IRF2: variants seen among roughly 807,000 people sequenced by gnomAD.
IRF2 encodes interferon regulatory factor 2.
In IRF2, 15 loss-of-function variants were observed where a neutral mutation model predicts 40.6. The observed-to-expected ratio is 0.37, with a 90% CI of 0.25 to 0.57. The LOEUF (loss-of-function observed/expected upper bound fraction) is 0.57. IRF2 is among the 20% of genes least tolerant of loss of function. The probability of loss-of-function intolerance (pLI) is 0.77; values close to 1 mark genes in which losing one functional copy is unlikely to be tolerated. For missense variants in IRF2, 317 were observed against 455.7 expected (o/e 0.70, Z 2.77); for synonymous variants, 151 against 165.5 (o/e 0.91, Z 0.67).
At chr4:184,445,418 C>G (rs181370571) in intron 1 of IRF2, among the ~76,000 whole-genome samples, 2 of 152,074 alleles carry the variant, frequency 1.3e-5, no homozygotes, top group African/African-American at 2.4e-5. Flanking sequence ...CTTTGGGAGG[C>G]CAAGGCAGGC....
chr4:184,416,620 T>C, intron 5 of IRF2, among the ~76,000 whole-genome samples: 1 of 152,168 alleles, frequency 6.6e-6, no homozygotes, highest in Non-Finnish European at 1.5e-5. Flanking sequence ...GGTACAGTAA[T>C]GACATCATGG....
chr4:184,472,189 T>A (rs1739535135), intron 1 of IRF2: 1 of 152,222 alleles, frequency 6.6e-6, no homozygotes, highest in Admixed American at 6.5e-5. Flanking sequence ...TTCCCAGGAT[T>A]TTTTAGGTTT....
intron 1 of IRF2, among the ~76,000 whole-genome samples, chr4:184,432,265 A>G (rs2149905492): frequency 6.6e-6 from 1 of 152,376 alleles, no homozygotes; most frequent in South Asian, 2.1e-4. Flanking sequence ...GCTGAATTCA[A>G]GTCATCTGAT....
At chr4:184,430,317 CAG>C (rs1737828356) in intron 1 of IRF2, among the ~76,000 whole-genome samples, 1 of 132,110 alleles carries the variant, frequency 7.6e-6, no homozygotes, top group African/African-American at 2.8e-5. Context: ...ATGCCTCCTG[CAG>C]TCTGGCCCAG....
At position 184,445,471 on chromosome 4, in the gene IRF2, T is replaced by C. The variant is rs866154308; in HGVS notation, c.-6-16401A>G. Among the ~76,000 whole-genome samples, 34 of 152,134 alleles carry C rather than the reference T, an allele frequency of 2.2e-4. No homozygotes were observed. The South Asian group carries it at 3.1e-3, about 14-fold the overall frequency. ...GAGATCAACACCAGCCTGGTCAACA[T>C]GGTGAAAGCCCATCTCTACTAAAAT... On this transcript the variant is annotated intron_variant, in intron 1 of 8. Coordinates refer to ENST00000393593, the MANE Select transcript of IRF2 (RefSeq NM_002199.4).
chr4:184,429,020 C>T lies in IRF2; in HGVS notation c.45G>A (p.Gln15=), dbSNP rs1175094224. The stretch of plus-strand genomic sequence containing the variant: ...GCCCCGGGATCGTGTTGGAGTTTAT[C>T]TGCTCCTCCAGCCACGGGCGCATGC... The part of the protein sequence containing the change: ...RMRMRPWLEE[Q]INSNTIPGLK... The change falls in exon 2 of 9, where the codon CAG becomes CAA. Residue 15 remains glutamine (Q), a synonymous_variant. Coordinates refer to ENST00000393593, the MANE Select transcript of IRF2 (RefSeq NM_002199.4). 7 of 1,614,048 alleles carry T rather than the reference C, an allele frequency of 4.3e-6. No individual in the cohort carries two copies. The highest frequency in any genetic ancestry group is 5.1e-6 in the Non-Finnish European group (6 of 1,179,982).
chr4:184,464,522 T>C (rs1176063733), intron 1 of IRF2, among the ~76,000 whole-genome samples: 1 of 152,314 alleles, frequency 6.6e-6, no homozygotes, highest in East Asian at 1.9e-4. Flanking sequence ...ACAGGGAATG[T>C]TCACTCTCAC....
chr4:184,440,666 T>C (rs1738271988), intron 1 of IRF2, among the ~76,000 whole-genome samples: 1 of 152,224 alleles, frequency 6.6e-6, no homozygotes, highest in South Asian at 2.1e-4. Flanking sequence ...CCAGGTCCTG[T>C]TCCCATTTTC....
At chr4:184,409,150 A>G (rs567354909) in intron 5 of IRF2, among the ~76,000 whole-genome samples, 2 of 152,270 alleles carry the variant, frequency 1.3e-5, no homozygotes, top group South Asian at 4.1e-4. Context: ...ACAGGACAAC[A>G]CCCAAGGAAT....
At chr4:184,433,630 C>A (rs1460816155) in intron 1 of IRF2, among the ~76,000 whole-genome samples, 2 of 149,932 alleles carry the variant, frequency 1.3e-5, no homozygotes, top group East Asian at 4.0e-4. Context: ...AAAAGGGCTA[C>A]ACTTATTTCA....
intron 2 of IRF2, among the ~76,000 whole-genome samples, chr4:184,423,575 A>T (rs984196668): frequency 1.3e-5 from 2 of 152,222 alleles, no homozygotes; most frequent in Non-Finnish European, 2.9e-5. Flanking sequence ...GAAAGATCTG[A>T]TGATTCCCCT....
intron 1 of IRF2, among the ~76,000 whole-genome samples, chr4:184,443,319 A>G (rs1164793987): frequency 6.6e-6 from 1 of 152,224 alleles, no homozygotes; most frequent in African/African-American, 2.4e-5. Flanking sequence ...CTGTCCAAGT[A>G]GTGAACATAG....
chr4:184,421,204 G>A (rs1310594878), intron 2 of IRF2, among the ~76,000 whole-genome samples: 1 of 152,204 alleles, frequency 6.6e-6, no homozygotes, highest in Non-Finnish European at 1.5e-5. Flanking sequence ...CCTCTCCACA[G>A]AACCAATCAC....
In IRF2 at chr4:184,412,076, A is replaced by G. The variant is rs79368664; in HGVS notation, c.412-3801T>C. 6.8e-3 allele frequency among the ~76,000 whole-genome samples: 1,030 copies of G among 152,008 alleles called. 17 individuals carry two copies. Among genetic ancestry groups the G allele is most frequent in the African/African-American group, 0.024 (986 of 41,416 alleles). ...TCTCCACGGTGCATGAACTCCAGCA[A>G]ACATTTATGTTCAAAAATCTTTGCT... is the stretch of plus-strand genomic sequence containing the variant. On this transcript the variant is annotated intron_variant, in intron 5 of 8. Coordinates refer to ENST00000393593, the MANE Select transcript of IRF2 (RefSeq NM_002199.4).
chr4:184,460,661 A>C (rs1579113429), intron 1 of IRF2, among the ~76,000 whole-genome samples: 1 of 87,512 alleles, frequency 1.1e-5, no homozygotes, highest in Admixed American at 1.3e-4. Flanking sequence ...ACACACATGC[A>C]CGCGCACACA....
chr4:184,412,280 C>A (rs760324478), intron 5 of IRF2, among the ~76,000 whole-genome samples: 9 of 152,100 alleles, frequency 5.9e-5, no homozygotes, highest in Non-Finnish European at 4.4e-5. Flanking sequence ...TTCTTTAGAC[C>A]TGTAAAATAA....
At chr4:184,410,151 A>G (rs1258962392) in intron 5 of IRF2, among the ~76,000 whole-genome samples, 10 of 152,142 alleles carry the variant, frequency 6.6e-5, no homozygotes, top group Non-Finnish European at 4.4e-5. Flanking sequence ...TGGAATCAGA[A>G]GGGCCTGGAG....
At chr4:184,467,872 T>C (rs925474757) in intron 1 of IRF2, among the ~76,000 whole-genome samples, 8 of 152,218 alleles carry the variant, frequency 5.3e-5, no homozygotes, top group African/African-American at 1.9e-4. Context: ...TTCTCAAAAA[T>C]CGTCATTTAA....
chr4:184,467,160 G>A (rs1408772965), intron 1 of IRF2, among the ~76,000 whole-genome samples: 1 of 152,190 alleles, frequency 6.6e-6, no homozygotes, highest in Non-Finnish European at 1.5e-5. Context: ...TGATCCCACA[G>A]TCAGCAGTGG....
Sources: gnomAD v4.1 joint callset for allele counts (sites outside exome capture counted in the v4.1 genomes callset) on GRCh38, gnomAD v4.1.1 for gene constraint, MANE v1.5 for transcripts, NCBI Gene and HGNC (gene_info 2026-07-23, HGNC 2026-07-21) for gene names.